Variants in CDH13 observed in about 807,000 individuals in gnomAD.
CDH13 encodes cadherin 13, also known as cadherin-13.
A neutral mutation model predicts 63.8 loss-of-function variants in CDH13; 24 were observed. The ratio of observed to expected loss-of-function variants is 0.38; its 90% CI spans 0.27 to 0.53. CDH13 has a LOEUF of 0.53. CDH13 is among the 20% of genes least tolerant of loss of function. The pLI is 0.85. For missense variants in CDH13, 1,049 were observed against 903.1 expected (o/e 1.16, Z -2.07); for synonymous variants, 503 against 355.3 (o/e 1.42, Z -4.67).
At chr16:82,796,845 C>T (rs182513158) in intron 1 of CDH13, among the ~76,000 whole-genome samples, 1 of 152,304 alleles carries the variant, frequency 6.6e-6, no homozygotes, top group East Asian at 1.9e-4. Flanking sequence ...TTACGTAGGG[C>T]CACAGTGTAT....
intron 7 of CDH13, among the ~76,000 whole-genome samples, chr16:83,570,040 C>T (rs1017201570): frequency 5.3e-5 from 8 of 152,058 alleles, no homozygotes; most frequent in African/African-American, 1.9e-4. Flanking sequence ...CAGCCAGGAG[C>T]CAGTGGTTTT....
chr16:83,478,692 G>A (rs1232198102), intron 6 of CDH13, among the ~76,000 whole-genome samples: 1 of 152,034 alleles, frequency 6.6e-6, no homozygotes, highest in Non-Finnish European at 1.5e-5. Flanking sequence ...AAATTGGGCT[G>A]GAATCACCTC....
chr16:83,260,171 ATACT>A (rs1334603654), intron 5 of CDH13, among the ~76,000 whole-genome samples: 5 of 151,230 alleles, frequency 3.3e-5, no homozygotes, highest in East Asian at 3.9e-4. Context: ...TTTACAAATA[ATACT>A]TAGTCTATGT....
intron 4 of CDH13, among the ~76,000 whole-genome samples, chr16:83,132,003 G>C (rs964925750): frequency 5.9e-5 from 9 of 152,166 alleles, no homozygotes; most frequent in African/African-American, 1.9e-4. Context: ...TCAGTGTTCT[G>C]TGCATCTGAT....
chr16:82,961,269 T>C (rs1447900389), intron 2 of CDH13, among the ~76,000 whole-genome samples: 2 of 152,190 alleles, frequency 1.3e-5, no homozygotes, highest in South Asian at 2.1e-4. Flanking sequence ...CCCCGGCCTT[T>C]GGCTTACAGC....
intron 1 of CDH13, among the ~76,000 whole-genome samples, chr16:82,731,683 G>A (rs2033410672): frequency 6.6e-6 from 1 of 152,188 alleles, no homozygotes; most frequent in South Asian, 2.1e-4. Flanking sequence ...TTGGCTACAA[G>A]TGTAAGAGTT....
chr16:82,663,779 G>A (rs1480264211), intron 1 of CDH13, among the ~76,000 whole-genome samples: 2 of 152,182 alleles, frequency 1.3e-5, no homozygotes, highest in South Asian at 4.1e-4. Context: ...AACCAAGGTG[G>A]GGTTGGGGGT....
At position 82,690,906 on chromosome 16, in the gene CDH13, C is replaced by T. The variant is rs141542057; in HGVS notation, c.45+63769C>T. On this transcript the variant is annotated intron_variant, in intron 1 of 13. Transcript: ENST00000567109. Reference sequence around the variant, plus strand: ...AAGCAGAGCCAGGGATGAGGATGAACGCTCTAGTTGCCTGTGGCAGATAAA... The same window carrying T: ...AAGCAGAGCCAGGGATGAGGATGAATGCTCTAGTTGCCTGTGGCAGATAAA... 1.6e-3 allele frequency among the ~76,000 whole-genome samples: 240 copies of T among 152,274 alleles called. 1 individual carries two copies. Among genetic ancestry groups the T allele is most frequent in the African/African-American group, 5.2e-3 (215 of 41,552 alleles).
intron 2 of CDH13, among the ~76,000 whole-genome samples, chr16:83,012,176 A>T (rs1207353927): frequency 6.6e-6 from 1 of 152,198 alleles, no homozygotes; most frequent in Non-Finnish European, 1.5e-5. Context: ...TATGTGTTAT[A>T]GTTTAAACAC....
intron 6 of CDH13, among the ~76,000 whole-genome samples, chr16:83,394,751 A>G (rs2091853020): frequency 6.6e-6 from 1 of 152,222 alleles, no homozygotes; most frequent in African/African-American, 2.4e-5. Flanking sequence ...GGATTGAGCC[A>G]GACTGGTAGC....
intron 1 of CDH13, among the ~76,000 whole-genome samples, chr16:82,765,734 C>G (rs1312542432): frequency 6.6e-6 from 1 of 152,158 alleles, no homozygotes; most frequent in Non-Finnish European, 1.5e-5. Flanking sequence ...ATTTCACAGT[C>G]TAACTCTCTG....
At chr16:82,733,877 A>G (rs1380090538) in intron 1 of CDH13, among the ~76,000 whole-genome samples, 1 of 152,274 alleles carries the variant, frequency 6.6e-6, no homozygotes, top group Non-Finnish European at 1.5e-5. Flanking sequence ...ATAAGTACAT[A>G]GCACCTATCA....
intron 10 of CDH13, 127 bp downstream of exon 10, chr16:83,678,588 G>A (rs1296604941): frequency 8.3e-7 from 1 of 1,199,964 alleles, no homozygotes; most frequent in Non-Finnish European, 1.2e-6. Flanking sequence ...TCAGCAAGTG[G>A]GAGGAAAGCG....
chr16:83,386,572 CTTGAGGACTCTAG>C (rs1414531101), intron 6 of CDH13, among the ~76,000 whole-genome samples: 5 of 152,170 alleles, frequency 3.3e-5, no homozygotes, highest in African/African-American at 1.2e-4. Context: ...ACCCACCCTA[CTTGAGGACTCTAG>C]GAGGCAGGTA....
intron 3 of CDH13, among the ~76,000 whole-genome samples, chr16:83,041,023 T>A (rs541245364): frequency 6.6e-6 from 1 of 152,314 alleles, no homozygotes; most frequent in South Asian, 2.1e-4. Flanking sequence ...TAGGAAGCAC[T>A]GACTAAACTT....
chr16:82,947,711 G>C (rs1567684967), intron 2 of CDH13, among the ~76,000 whole-genome samples: 1 of 152,078 alleles, frequency 6.6e-6, no homozygotes, highest in Admixed American at 6.6e-5. Flanking sequence ...TTGGGAGTAG[G>C]GGTGGGAATC....
At chr16:83,086,611 C>T (rs1024248404) in intron 3 of CDH13, among the ~76,000 whole-genome samples, 1 of 152,228 alleles carries the variant, frequency 6.6e-6, no homozygotes, top group Non-Finnish European at 1.5e-5. Flanking sequence ...GATATCCTGA[C>T]ATTGCTGTTT....
At chr16:83,264,727 C>A (rs778736347) in intron 5 of CDH13, among the ~76,000 whole-genome samples, 2 of 151,750 alleles carry the variant, frequency 1.3e-5, no homozygotes, top group African/African-American at 4.8e-5. Flanking sequence ...AGAGACAACA[C>A]CCCTCTAAAC....
intron 2 of CDH13, among the ~76,000 whole-genome samples, chr16:83,001,343 C>T (rs1463533433): frequency 6.6e-6 from 1 of 152,186 alleles, no homozygotes; most frequent in Non-Finnish European, 1.5e-5. Flanking sequence ...TGAATTCCTC[C>T]AACCCATTTA....
Sources: allele counts gnomAD v4.1 joint callset (sites outside exome capture counted in the v4.1 genomes callset), GRCh38; gene constraint gnomAD v4.1.1; transcripts MANE v1.5; gene names NCBI Gene and HGNC (gene_info 2026-07-23, HGNC 2026-07-21).